Variants in ZZEF1 observed in about 807,000 individuals in gnomAD.
The protein encoded by ZZEF1 is zinc finger ZZ-type and EF-hand domain containing 1, also known as zinc finger ZZ-type and EF-hand domain-containing protein 1.
Under a neutral mutation model 342.8 loss-of-function variants are expected in ZZEF1, and 157 were observed. That is an observed-to-expected ratio of 0.46 (90% CI 0.40 to 0.52). ZZEF1 has a LOEUF of 0.52. Ranked by LOEUF, ZZEF1 falls within the 20% of genes least tolerant of loss-of-function variation. ZZEF1 has a pLI of 0.00. For missense variants in ZZEF1, 3,480 were observed against 3,725.6 expected (o/e 0.93, Z 1.72); for synonymous variants, 1,505 against 1,429.1 (o/e 1.05, Z -1.20).
chr17:4,022,971 A>C, intron 43 of ZZEF1, 143 bp from the exon 44 acceptor site: 1 of 1,152,828 alleles, frequency 8.7e-7, no homozygotes, highest in Non-Finnish European at 1.2e-6. Flanking sequence ...TTTATGTCAC[A>C]CTCCCCTGCT....
chr17:4,111,910 G>C (rs2058309070), intron 5 of ZZEF1, among the ~76,000 whole-genome samples: 1 of 145,346 alleles, frequency 6.9e-6, no homozygotes, highest in Non-Finnish European at 1.5e-5. Context: ...CGCGGTGCAT[G>C]TCTACATTCC....
At position 4,008,834 on chromosome 17, in the gene ZZEF1, T is replaced by C. The variant is rs199531418; in HGVS notation, c.8805+49A>G. 5.2e-4 allele frequency: 804 copies of C among 1,539,676 alleles called. 2 individuals are homozygous for C. In the African/African-American group the frequency reaches 9.7e-3, roughly 19 times the overall value. ...CTTCTCTGCCCTGGCAATGGTGAGATGGTGGCGCCCCAGCCTGGGGGCCAG... is the reference window on the plus strand; with the variant it reads ...CTTCTCTGCCCTGGCAATGGTGAGACGGTGGCGCCCCAGCCTGGGGGCCAG... On this transcript the variant is annotated intron_variant, in intron 54 of 54. Coordinates refer to ENST00000381638, the MANE Select transcript of ZZEF1 (RefSeq NM_015113.4). The surrounding 1 kb of genome is among the most constrained non-coding windows in gnomAD (Gnocchi z 4.2).
At chr17:4,133,716 GCTAT>G (rs1011096885) in intron 1 of ZZEF1, among the ~76,000 whole-genome samples, 4 of 149,180 alleles carry the variant, frequency 2.7e-5, no homozygotes, top group African/African-American at 1.0e-4. Context: ...TGACATTTTT[GCTAT>G]CTTTTTTTTT....
intron 2 of ZZEF1, among the ~76,000 whole-genome samples, chr17:4,118,726 G>A (rs955966821): frequency 7.9e-5 from 12 of 152,316 alleles, no homozygotes; most frequent in African/African-American, 2.4e-4. Context: ...TAGGAGGGGC[G>A]AAATACAGCA....
chr17:4,055,546 T>A (rs781843), intron 33 of ZZEF1, among the ~76,000 whole-genome samples: 5,840 of 152,252 alleles, frequency 0.038, 389 homozygotes, highest in African/African-American at 0.13. Flanking sequence ...CAGGCAGCCT[T>A]CTGATGGAAA....
chr17:4,129,550 A>G (rs2058631129), intron 1 of ZZEF1, among the ~76,000 whole-genome samples: 3 of 152,082 alleles, frequency 2.0e-5, no homozygotes, highest in Non-Finnish European at 4.4e-5. Context: ...AAAAAGAAAA[A>G]AAAGAGGGCT....
intron 19 of ZZEF1, 52 bp downstream of exon 19, chr17:4,077,831 G>C: frequency 6.3e-7 from 1 of 1,588,956 alleles, no homozygotes; most frequent in Non-Finnish European, 8.6e-7. Context: ...AGAACACTCA[G>C]AGTCAAAACC....
chr17:4,006,564 C>T lies in ZZEF1; in HGVS notation c.*326G>A, dbSNP rs1024501853. ...GAGACAGAAACCAGTTGAGAGAGGC[C>T]GCTTCCAAGTCTTCCCAGGCCCACG... On this transcript the variant is annotated 3_prime_UTR_variant, in exon 55 of 55. Coordinates refer to ENST00000381638, the MANE Select transcript of ZZEF1 (RefSeq NM_015113.4). 8 of 362,794 alleles carry T rather than the reference C, an allele frequency of 2.2e-5. No individual in the cohort carries two copies. Among genetic ancestry groups the T allele is most frequent in the Non-Finnish European group, 4.1e-5 (8 of 193,592 alleles). 22.5% of individuals were successfully genotyped at this position (362,794 alleles called of 1,614,324 possible). A position where few individuals can be genotyped will look rare whatever the true frequency, so the allele number is the denominator to read the frequency against.
intron 16 of ZZEF1, among the ~76,000 whole-genome samples, chr17:4,084,299 T>A (rs1031028489): frequency 2.0e-5 from 3 of 152,120 alleles, no homozygotes; most frequent in Non-Finnish European, 4.4e-5. Flanking sequence ...TTTAGTGATT[T>A]TTTTTTTTCC....
In ZZEF1 at chr17:4,008,396, C is replaced by T; in HGVS notation, c.8805+487G>A. The T allele has an allele frequency of 2.4e-6, 1 of 424,822 alleles. No homozygotes were observed. The highest frequency in any genetic ancestry group is 3.1e-6 in the Non-Finnish European group (1 of 319,316). 26.3% of individuals were successfully genotyped at this position (424,822 alleles called of 1,614,324 possible). A position where few individuals can be genotyped will look rare whatever the true frequency, so the allele number is the denominator to read the frequency against. On this transcript the variant is annotated intron_variant, in intron 54 of 54. Coordinates refer to ENST00000381638, the MANE Select transcript of ZZEF1 (RefSeq NM_015113.4). The surrounding 1 kb of genome is among the most constrained non-coding windows in gnomAD (Gnocchi z 4.2). The stretch of plus-strand genomic sequence containing the variant: ...AAAAATAAATTGATAAAGGTTTACA[C>T]TTTTGCTTAATTTTTAAATTGAAAA...
At chr17:4,020,754 A>G (rs941720642) in intron 45 of ZZEF1, among the ~76,000 whole-genome samples, 2 of 152,222 alleles carry the variant, frequency 1.3e-5, no homozygotes, top group African/African-American at 4.8e-5. Context: ...TAGATTACCT[A>G]GTAAAGGTAA....
chr17:4,055,761 AG>A (rs2057144143), intron 33 of ZZEF1, among the ~76,000 whole-genome samples: 1 of 152,234 alleles, frequency 6.6e-6, no homozygotes, highest in Non-Finnish European at 1.5e-5. Context: ...CAGGATTTAT[AG>A]CCCCTCAGGT....
intron 41 of ZZEF1, among the ~76,000 whole-genome samples, 200 bp from the exon 42 acceptor site, chr17:4,032,458 T>A (rs2056569753): frequency 6.6e-6 from 1 of 152,224 alleles, no homozygotes; most frequent in South Asian, 2.1e-4. Flanking sequence ...GATGAGGCCA[T>A]GTTTTTACAG....
At chr17:4,046,770 C>CT (rs2056923573) in intron 37 of ZZEF1, among the ~76,000 whole-genome samples, 1 of 152,190 alleles carries the variant, frequency 6.6e-6, no homozygotes, top group Non-Finnish European at 1.5e-5. Flanking sequence ...AATGACTTAT[C>CT]TTTTTTCCTG....
rs1463812744 is a variant in ZZEF1, at chr17:4,021,315, C to T, written c.7218G>A (p.Leu2406=). ...KTWLLRDLEI[L]SIMLYSSKKE... ...TTTTTGAGGAGTACAGCATGATGGACAAAATCTACACAGAAAGAAAATCCA... is the reference window on the plus strand; with the variant it reads ...TTTTTGAGGAGTACAGCATGATGGATAAAATCTACACAGAAAGAAAATCCA... The change falls in exon 45 of 55, where the codon TTG becomes TTA. Residue 2406 remains leucine, a synonymous_variant. Coordinates refer to ENST00000381638, the MANE Select transcript of ZZEF1 (RefSeq NM_015113.4). 6.2e-7 allele frequency: 1 copy of T among 1,602,542 alleles called. No homozygotes were observed. Among genetic ancestry groups the T allele is most frequent in the East Asian group, 2.3e-5 (1 of 44,344 alleles).
In ZZEF1 at chr17:4,088,849, C is replaced by T. The variant is rs1447212812; in HGVS notation, c.2070G>A (p.Glu690=). The part of the protein sequence containing the change: ...KFLCTRQESA[E]RLGVQGLTIS... ...TGGTCAAGCCTTGCACTCCCAAGCG[C>T]TCTGCTGACTCCTGACGGGTGCAGA... Residue 690 remains glutamate, a synonymous_variant, in exon 13 of 55, where the codon GAG becomes GAA. Coordinates refer to ENST00000381638, the MANE Select transcript of ZZEF1 (RefSeq NM_015113.4). The T allele has an allele frequency of 5.0e-6, 8 of 1,614,052 alleles. No individual in the cohort carries two copies. Among genetic ancestry groups the T allele is most frequent in the Non-Finnish European group, 6.8e-6 (8 of 1,180,052 alleles).
intron 42 of ZZEF1, among the ~76,000 whole-genome samples, chr17:4,029,171 A>C (rs1321247251): frequency 1.3e-5 from 2 of 152,214 alleles, no homozygotes; most frequent in Non-Finnish European, 2.9e-5. Flanking sequence ...CATTCTCTTC[A>C]AGTGTACATG....
intron 2 of ZZEF1, among the ~76,000 whole-genome samples, chr17:4,122,689 T>C (rs990520664): frequency 2.6e-5 from 4 of 151,776 alleles, no homozygotes; most frequent in African/African-American, 4.8e-5. Flanking sequence ...CCCGCCGGCA[T>C]TGCTTAATTT....
In ZZEF1 at chr17:4,082,458, C is replaced by A. The variant is rs376884018; in HGVS notation, c.2693G>T (p.Arg898Leu). The A allele has an allele frequency of 6.2e-7, 1 of 1,614,058 alleles. No homozygotes were observed. Among genetic ancestry groups the A allele is most frequent in the South Asian group, 1.1e-5 (1 of 91,080 alleles). The change falls in exon 17 of 55, where the codon CGT (arginine) becomes CTT (leucine). Residue 898 changes from arginine to leucine, a missense_variant. Physicochemically the swap from Arg to Leu is moderately radical, Grantham distance 102 (BLOSUM62 -2). Around this residue, in one of 5 missense-constraint regions of ZZEF1, gnomAD observed 1,528 missense variants for 1,624.1 expected, o/e 0.94. Coordinates refer to ENST00000381638, the MANE Select transcript of ZZEF1 (RefSeq NM_015113.4). ...EHKQSLQLTFRSLCTYFSDKD... is the reference protein window; with the variant it reads ...EHKQSLQLTFLSLCTYFSDKD... ...TTACCTAAAATACGTGCACAGTGAA[C>A]GGAAAGTGAGCTGCAGGGACTGCTT...
Sources: allele counts gnomAD v4.1 joint callset (sites outside exome capture counted in the v4.1 genomes callset), GRCh38; gene constraint gnomAD v4.1.1; regional missense constraint gnomAD v4.1.1; non-coding constraint Gnocchi (gnomAD v3.1); transcripts MANE v1.5; gene names NCBI Gene and HGNC (gene_info 2026-07-23, HGNC 2026-07-21).